The following CELSR3 variants were observed in gnomAD, a reference collection of about 807,000 sequenced individuals.
The protein encoded by CELSR3 is cadherin EGF LAG seven-pass G-type receptor 3, also known as EGF-like protein 1.
A neutral mutation model predicts 270.0 loss-of-function variants in CELSR3; 73 were observed. The ratio of observed to expected loss-of-function variants is 0.27; its 90% CI spans 0.22 to 0.33. CELSR3 has a LOEUF of 0.33. Among genes scored for constraint, CELSR3 ranks in the 10% least tolerant of loss-of-function variants. The pLI, the probability that CELSR3 is intolerant of heterozygous loss-of-function variation, is 1.00. For synonymous variants in CELSR3, 1,780 were observed against 1,905.4 expected (o/e 0.93, Z 1.71); for missense variants, 3,614 against 4,533.8 (o/e 0.80, Z 5.83).
Position 48,648,248 on chromosome 3 carries a change from A to ACCCCCCCCCCCACC in CELSR3, c.6973+17_6973+18insGGTGGGGGGGGGGG. On this transcript the variant is annotated intron_variant, in intron 19 of 34. Transcript: ENST00000164024. ...TGGCCCCCCTGCTGTGCCCCGCCCT[A>ACCCCCCCCCCCACC]CCCCACCCACAACGCACTGATATTA... 1 of 975,252 alleles carries ACCCCCCCCCCCACC rather than the reference A, an allele frequency of 1.0e-6. No homozygotes were observed. Among genetic ancestry groups the ACCCCCCCCCCCACC allele is most frequent in the South Asian group, 1.3e-5 (1 of 76,064 alleles). 60.4% of individuals were successfully genotyped at this position (975,252 alleles called of 1,614,324 possible).
At position 48,657,187 on chromosome 3, in the gene CELSR3, C is replaced by T. The variant is rs771756644; in HGVS notation, c.3910G>A (p.Ala1304Thr). 6.2e-7 allele frequency: 1 copy of T among 1,613,906 alleles called. No homozygotes were observed. Among genetic ancestry groups the T allele is most frequent in the South Asian group, 1.1e-5 (1 of 91,088 alleles). ...RFLEGVAAVL[A>T]TPAEDVFIFN... ...ATGAAGACGTCCTCAGCGGGCGTAG[C>T]GAGCACCGCAGCCACGCCCTCGAGG... Residue 1304 changes from alanine to threonine, a missense_variant, in exon 2 of 35, where the codon GCT (alanine) becomes ACT (threonine). Ala to Thr is a moderately conservative substitution (Grantham distance 58). This residue lies in a region of CELSR3 where 1,331 missense variants were observed against 1,933.7 expected (regional missense o/e 0.69). Transcript: ENST00000164024. The surrounding 1 kb of genome is among the most constrained non-coding windows in gnomAD (Gnocchi z 5.4).
chr3:48,650,813 G>A lies in CELSR3; in HGVS notation c.6370+79C>T. ...GAGAAGCTTCCAGAGTCCCCAAGGA[G>A]CCATGTGTGCCACTGACACGTGATG... On this transcript the variant is annotated intron_variant, in intron 15 of 34. Coordinates refer to ENST00000164024, the MANE Select transcript of CELSR3 (RefSeq NM_001407.3). This position sits in a 1 kb window ranked among gnomAD's most constrained non-coding sequence, Gnocchi z 5.1. The A allele has an allele frequency of 4.1e-6, 6 of 1,461,890 alleles. No homozygotes were observed. The South Asian group carries it at 6.4e-5, about 16-fold the overall frequency. The allele number at this position is 1,461,890 out of a possible 1,614,324, so 90.6% of individuals were successfully genotyped here. A position where few individuals can be genotyped will look rare whatever the true frequency, so the allele number is the denominator to read the frequency against.
chr3:48,660,674 G>C lies in CELSR3; in HGVS notation c.1961C>G (p.Thr654Arg). The change falls in exon 1 of 35, where the codon ACG (threonine) becomes AGG (arginine). Residue 654 changes from threonine to arginine, a missense_variant. Thr to Arg is a moderately conservative substitution (Grantham distance 71, BLOSUM62 -1). Transcript: ENST00000164024. The surrounding 1 kb of genome is among the most constrained non-coding windows in gnomAD (Gnocchi z 5.5). Reference sequence around the variant, plus strand: ...TTCCAAGACAGAAACTTGGAAGGGCGTGCTGACAAAAATAGGAATGTGGTC... The same window carrying C: ...TTCCAAGACAGAAACTTGGAAGGGCCTGCTGACAAAAATAGGAATGTGGTC... ...INDHIPIFVS[T>R]PFQVSVLENA... The C allele has an allele frequency of 1.2e-6, 2 of 1,614,112 alleles. No homozygotes were observed. The highest frequency in any genetic ancestry group is 2.2e-5 in the East Asian group (1 of 44,888).
In CELSR3 at chr3:48,660,461, C is replaced by A; in HGVS notation, c.2174G>T (p.Gly725Val). 1.2e-6 allele frequency: 2 copies of A among 1,614,126 alleles called. No homozygotes were observed. Among genetic ancestry groups the A allele is most frequent in the South Asian group, 2.2e-5 (2 of 91,070 alleles). The change falls in exon 1 of 35, where the codon GGT becomes GTT. Residue 725 changes from glycine to valine, a missense_variant. Gly to Val is a moderately radical substitution (Grantham distance 109, BLOSUM62 -3). Transcript: ENST00000164024. This position sits in a 1 kb window ranked among gnomAD's most constrained non-coding sequence, Gnocchi z 5.5. ...DRESVEHYFF[G>V]VEARDHGSPP... is the part of the protein sequence containing the mutation. ...TGAGCCATGGTCTCGAGCCTCCACA[C>A]CAAAGAAGTAATGCTCCACAGACTC...
In CELSR3 at chr3:48,661,754, C is replaced by T. The variant is rs1177842346; in HGVS notation, c.881G>A (p.Arg294His). The change falls in exon 1 of 35, where the codon CGT becomes CAT. Residue 294 changes from arginine to histidine, a missense_variant. Physicochemically the swap from Arg to His is conservative, Grantham distance 29. Transcript: ENST00000164024. ...CRFLPQRPGP[R>H]PPGLPARPEA... ...AGGACGGGCCGGGAGTCCCGGGGGACGCGGCCCGGGGCGCTGCGGGAGGAA... is the reference window on the plus strand; with the variant it reads ...AGGACGGGCCGGGAGTCCCGGGGGATGCGGCCCGGGGCGCTGCGGGAGGAA... 6.3e-7 allele frequency: 1 copy of T among 1,585,788 alleles called. No homozygotes were observed.
Position 48,659,717 on chromosome 3 carries a change from T to C in CELSR3, c.2918A>G (p.Asp973Gly). ...ASHYTGLVSE[D>G]APPFTSVLQI... The stretch of plus-strand genomic sequence containing the variant: ...CAGGACACTGGTGAAAGGTGGGGCA[T>C]CCTCAGAGACCAGCCCTGTATAGTG... The change falls in exon 1 of 35, where the codon GAT becomes GGT. Residue 973 changes from aspartate to glycine, a missense_variant. Coordinates refer to ENST00000164024, the MANE Select transcript of CELSR3 (RefSeq NM_001407.3). The surrounding 1 kb of genome is among the most constrained non-coding windows in gnomAD (Gnocchi z 8.1). 2 of 1,614,208 alleles carry C rather than the reference T, an allele frequency of 1.2e-6. No homozygotes were observed. Among genetic ancestry groups the C allele is most frequent in the East Asian group, 2.2e-5 (1 of 44,890 alleles).
At position 48,653,141 on chromosome 3, in the gene CELSR3, C is replaced by T. The variant is rs1470037929; in HGVS notation, c.5495G>A (p.Arg1832His). ...LSVTVTRGSGRASHLLLDQVT... is the reference protein window; with the variant it reads ...LSVTVTRGSGHASHLLLDQVT... ...CTGGTCCAGAAGGAGATGGGAAGCACGGCCCGAGCCCCTGGTCACTGTCAC... is the reference window on the plus strand; with the variant it reads ...CTGGTCCAGAAGGAGATGGGAAGCATGGCCCGAGCCCCTGGTCACTGTCAC... Residue 1832 changes from arginine to histidine, a missense_variant, in exon 10 of 35, where the codon CGT becomes CAT. By Grantham distance (29) the Arg-to-His change is conservative (BLOSUM62 0). This residue lies in a region of CELSR3 where 1,331 missense variants were observed against 1,933.7 expected (regional missense o/e 0.69). Transcript: ENST00000164024. This position sits in a 1 kb window ranked among gnomAD's most constrained non-coding sequence, Gnocchi z 6.5. 8.1e-6 allele frequency: 13 copies of T among 1,613,176 alleles called. No homozygotes were observed. Among genetic ancestry groups the T allele is most frequent in the African/African-American group, 1.3e-5 (1 of 74,926 alleles).
At position 48,652,830 on chromosome 3, in the gene CELSR3, A is replaced by G. The variant is rs1261688103; in HGVS notation, c.5634+172T>C. The stretch of plus-strand genomic sequence containing the variant: ...ACAAAGAGGGCTTGAGAGTGGACCA[A>G]CTTGGCTGGTGGGTGGGCTCAGTGC... On this transcript the variant is annotated intron_variant, in intron 10 of 34. Coordinates refer to ENST00000164024, the MANE Select transcript of CELSR3 (RefSeq NM_001407.3). The surrounding 1 kb of genome is among the most constrained non-coding windows in gnomAD (Gnocchi z 4.3). 6.6e-6 allele frequency among the ~76,000 whole-genome samples: 1 copy of G among 152,204 alleles called. No homozygotes were observed. Among genetic ancestry groups the G allele is most frequent in the African/African-American group, 2.4e-5 (1 of 41,446 alleles).
At chr3:48,647,059 G>A (rs2047090692) in intron 20 of CELSR3, 131 bp from the exon 21 acceptor site, 1 of 836,510 alleles carries the variant, frequency 1.2e-6, no homozygotes, top group South Asian at 2.1e-5. Context: ...CAGGGAGCAT[G>A]AACCCAGAAA....
rs1382382323 is a variant in CELSR3 at position 48,651,882 on chromosome 3, T to G, written c.5918A>C (p.Gln1973Pro). ...CCAACCCTCTCAAGGCTCACCTGGC[T>G]GGCAGGTGCAAGAAAAGGTCTGCCA... ...DLWQTFSCTC[Q>P]PGYYGPGCVD... Residue 1973 changes from glutamine (Q) to proline (P), a missense_variant, in exon 12 of 35, where the codon CAG (glutamine) becomes CCG (proline). Transcript: ENST00000164024. This position sits in a 1 kb window ranked among gnomAD's most constrained non-coding sequence, Gnocchi z 7.4. 5 of 1,610,630 alleles carry G rather than the reference T, an allele frequency of 3.1e-6. No individual in the cohort carries two copies. Among genetic ancestry groups the G allele is most frequent in the Non-Finnish European group, 4.2e-6 (5 of 1,178,684 alleles).
rs567693105 is a variant in CELSR3 at position 48,655,713 on chromosome 3, G to A, written c.4741+23C>T. On this transcript the variant is annotated intron_variant, in intron 4 of 34. Coordinates refer to ENST00000164024, the MANE Select transcript of CELSR3 (RefSeq NM_001407.3). The surrounding 1 kb of genome is among the most constrained non-coding windows in gnomAD (Gnocchi z 5.8). Reference sequence around the variant, plus strand: ...TCCTCCAGCACACACGCACCCTTTCGCCGTCACATCCGGGGCACCCACCCG... The same window carrying A: ...TCCTCCAGCACACACGCACCCTTTCACCGTCACATCCGGGGCACCCACCCG... The A allele has an allele frequency of 6.3e-7, 1 of 1,596,096 alleles. No individual in the cohort carries two copies. The highest frequency in any genetic ancestry group is 2.2e-5 in the East Asian group (1 of 44,770).
At position 48,641,132 on chromosome 3, in the gene CELSR3, G is replaced by A. The variant is rs1283625904; in HGVS notation, c.9025+192C>T. 2 of 595,352 alleles carry A rather than the reference G, an allele frequency of 3.4e-6. No individual in the cohort carries two copies. The highest frequency in any genetic ancestry group is 3.0e-6 in the Non-Finnish European group (1 of 332,866). 36.9% of individuals were successfully genotyped at this position (595,352 alleles called of 1,614,324 possible). A position where few individuals can be genotyped will look rare whatever the true frequency, so the allele number is the denominator to read the frequency against. On this transcript the variant is annotated intron_variant, in intron 33 of 34. Coordinates refer to ENST00000164024, the MANE Select transcript of CELSR3 (RefSeq NM_001407.3). The surrounding 1 kb of genome is among the most constrained non-coding windows in gnomAD (Gnocchi z 4.8). ...CCCTGTGGTGCTGGCCAGGGTAGAG[G>A]GGGACAGAGAATTCCCAGGTCAGGA...
In CELSR3 at chr3:48,641,706, G is replaced by A; in HGVS notation, c.8824+145C>T. 1.1e-6 allele frequency: 1 copy of A among 921,238 alleles called. No individual in the cohort carries two copies. The allele number at this position is 921,238 out of a possible 1,614,324, so 57.1% of individuals were successfully genotyped here. ...GAGCTCCCTCCCCTTAACTGGAGGT[G>A]GACAGAGACTAAAAGTTGGGGAACC... On this transcript the variant is annotated intron_variant, in intron 32 of 34. Transcript: ENST00000164024. The surrounding 1 kb of genome is among the most constrained non-coding windows in gnomAD (Gnocchi z 4.8).
rs2047022936 is a variant in CELSR3, at chr3:48,641,162, A to G, written c.9025+162T>C. On this transcript the variant is annotated intron_variant, in intron 33 of 34. Transcript: ENST00000164024. The surrounding 1 kb of genome is among the most constrained non-coding windows in gnomAD (Gnocchi z 4.8). ...CAGAGAATTCCCAGGTCAGGACAGG[A>G]GCAGTCCCTGAGGACCGTGAAGCAG... The G allele has an allele frequency of 3.2e-6, 2 of 621,616 alleles. No individual in the cohort carries two copies. The highest frequency in any genetic ancestry group is 5.8e-6 in the Non-Finnish European group (2 of 345,230). 38.5% of individuals were successfully genotyped at this position (621,616 alleles called of 1,614,324 possible). A position where few individuals can be genotyped will look rare whatever the true frequency, so the allele number is the denominator to read the frequency against.
In CELSR3 at chr3:48,640,311, C is replaced by A; in HGVS notation, c.9274G>T (p.Val3092Phe). 1 of 1,611,600 alleles carries A rather than the reference C, an allele frequency of 6.2e-7. No individual in the cohort carries two copies. Among genetic ancestry groups the A allele is most frequent in the Non-Finnish European group, 8.5e-7 (1 of 1,178,826 alleles). ...CCTGGCCGGCTCAGGGGACGTAGAA[C>A]AGGGGCAGGGGCTTCCTCTAGTCGC... ...RERLEEAPAP[V>F]LRPLSRPGSQ... Residue 3092 changes from valine to phenylalanine, a missense_variant, in exon 34 of 35, where the codon GTT becomes TTT. Coordinates refer to ENST00000164024, the MANE Select transcript of CELSR3 (RefSeq NM_001407.3). This position sits in a 1 kb window ranked among gnomAD's most constrained non-coding sequence, Gnocchi z 7.5.
chr3:48,651,700 C>T lies in CELSR3; in HGVS notation c.5942G>A (p.Cys1981Tyr). The part of the protein sequence containing the change: ...TCQPGYYGPG[C>Y]VDACLLNPCQ... Reference sequence around the variant, plus strand: ...GGGGTTCAGGAGGCAGGCATCCACACAGCCTGGGCCGTAGTAACCTGCAGA... The same window carrying T: ...GGGGTTCAGGAGGCAGGCATCCACATAGCCTGGGCCGTAGTAACCTGCAGA... The change falls in exon 13 of 35, where the codon TGT (cysteine) becomes TAT (tyrosine). Residue 1981 changes from cysteine to tyrosine, a missense_variant. This residue lies in a region of CELSR3 where 1,331 missense variants were observed against 1,933.7 expected (regional missense o/e 0.69). Transcript: ENST00000164024. The surrounding 1 kb of genome is among the most constrained non-coding windows in gnomAD (Gnocchi z 7.4). The T allele has an allele frequency of 6.4e-7, 1 of 1,555,280 alleles. No homozygotes were observed. Among genetic ancestry groups the T allele is most frequent in the Non-Finnish European group, 8.7e-7 (1 of 1,155,370 alleles).
In CELSR3 at chr3:48,662,182, A is replaced by G; in HGVS notation, c.453T>C (p.Gly151=). 6.2e-7 allele frequency: 1 copy of G among 1,612,426 alleles called. No individual in the cohort carries two copies. The highest frequency in any genetic ancestry group is 1.7e-4 in the Middle Eastern group (1 of 6,060). ...SCGRTGPLQR[G]SLSPGALSSG... The stretch of plus-strand genomic sequence containing the variant: ...AGGACAGAGCCCCTGGTGACAGACT[A>G]CCTCTTTGCAAAGGTCCTGTCCGCC... Residue 151 remains glycine (G), a synonymous_variant, in exon 1 of 35, where the codon GGT becomes GGC. Coordinates refer to ENST00000164024, the MANE Select transcript of CELSR3 (RefSeq NM_001407.3). The surrounding 1 kb of genome is among the most constrained non-coding windows in gnomAD (Gnocchi z 7.1).
intron 2 of CELSR3, 113 bp from the exon 3 acceptor site, chr3:48,656,478 T>A: frequency 8.6e-7 from 1 of 1,156,532 alleles, no homozygotes; most frequent in African/African-American, 1.6e-5. Context: ...AAGGTCGCCC[T>A]CTTCGGTGGA....
chr3:48,651,544 G>A lies in CELSR3; in HGVS notation c.6065+33C>T. The A allele has an allele frequency of 3.1e-6, 5 of 1,597,716 alleles. No homozygotes were observed. The highest frequency in any genetic ancestry group is 4.3e-6 in the Non-Finnish European group (5 of 1,169,542). Reference sequence around the variant, plus strand: ...CCAGTGACCCTCCCTGTCCCTGCCAGGTCTCCCCATCGCCTCAGCCCCAGC... The same window carrying A: ...CCAGTGACCCTCCCTGTCCCTGCCAAGTCTCCCCATCGCCTCAGCCCCAGC... On this transcript the variant is annotated intron_variant, in intron 13 of 34. Transcript: ENST00000164024. This position sits in a 1 kb window ranked among gnomAD's most constrained non-coding sequence, Gnocchi z 7.4.
Sources: allele counts gnomAD v4.1 joint callset (sites outside exome capture counted in the v4.1 genomes callset), GRCh38; gene constraint gnomAD v4.1.1; regional missense constraint gnomAD v4.1.1; non-coding constraint Gnocchi (gnomAD v3.1); transcripts MANE v1.5; gene names NCBI Gene and HGNC (gene_info 2026-07-23, HGNC 2026-07-21).